The following NRCAM variants were observed in gnomAD, a reference collection of about 807,000 sequenced individuals.
NRCAM encodes the protein neuronal cell adhesion molecule.
A neutral mutation model predicts 156.5 loss-of-function variants in NRCAM; 83 were observed. That is an observed-to-expected ratio of 0.53 (90% confidence interval 0.44 to 0.64). The LOEUF is 0.64. NRCAM is among the 30% of genes least tolerant of loss of function. The probability of loss-of-function intolerance (pLI) is 0.00; values close to 1 mark genes in which losing one functional copy is unlikely to be tolerated. For synonymous variants in NRCAM, 538 were observed against 563.9 expected, an observed-to-expected ratio of 0.95 and a Z score of 0.65; for missense variants, 1,417 against 1,597.3, an observed-to-expected ratio of 0.89 and a Z score of 1.92.
intron 2 of NRCAM, among the ~76,000 whole-genome samples, chr7:108,363,463 T>A (rs1413549190): frequency 6.6e-6 from 1 of 152,174 alleles, no homozygotes; most frequent in Non-Finnish European, 1.5e-5. Context: ...TTTTTCGCCA[T>A]GTTGCCCAGG....
intron 2 of NRCAM, among the ~76,000 whole-genome samples, chr7:108,325,164 C>A (rs935349600): frequency 2.7e-5 from 4 of 150,780 alleles, no homozygotes; most frequent in African/African-American, 9.7e-5. Flanking sequence ...AAAAAAAATT[C>A]TTGGCAACTT....
chr7:108,408,997 C>T (rs978981545), intron 1 of NRCAM, among the ~76,000 whole-genome samples: 19 of 152,004 alleles, frequency 1.2e-4, no homozygotes, highest in South Asian at 4.2e-4. Flanking sequence ...AGCTGGGGAA[C>T]GAGGGGTGTG....
At chr7:108,435,906 G>A (rs1400898648) in intron 1 of NRCAM, among the ~76,000 whole-genome samples, 1 of 152,262 alleles carries the variant, frequency 6.6e-6, no homozygotes, top group East Asian at 1.9e-4. Flanking sequence ...GCCGAGGCGG[G>A]TGGATCACGA....
chr7:108,270,785 A>G (rs1425816276), intron 3 of NRCAM, among the ~76,000 whole-genome samples: 3 of 152,258 alleles, frequency 2.0e-5, no homozygotes, highest in Non-Finnish European at 2.9e-5. Context: ...AGGGACAAGT[A>G]TTGTATGATT....
At position 108,206,399 on chromosome 7, in the gene NRCAM, C is replaced by A. The variant is rs116897017; in HGVS notation, c.1207+1129G>T. On this transcript the variant is annotated intron_variant, in intron 13 of 32. Transcript: ENST00000379028. ...TTGGAGGCAGTCAAAGCCAATCTGTCCTGTATCATAAGCCTGAGGGCTATC... is the reference window on the plus strand; with the variant it reads ...TTGGAGGCAGTCAAAGCCAATCTGTACTGTATCATAAGCCTGAGGGCTATC... Among the ~76,000 whole-genome samples the A allele has an allele frequency of 3.6e-3, 552 of 152,288 alleles. 3 individuals are homozygous for A. The highest frequency in any genetic ancestry group is 6.4e-3 in the Non-Finnish European group (434 of 68,026).
intron 28 of NRCAM, among the ~76,000 whole-genome samples, chr7:108,174,417 A>G (rs190524985): frequency 8.5e-4 from 129 of 152,332 alleles, no homozygotes; most frequent in African/African-American, 2.9e-3. Context: ...CCTTTTCTTC[A>G]TTCCTGTTTA....
At chr7:108,346,041 G>A (rs2099351480) in intron 2 of NRCAM, among the ~76,000 whole-genome samples, 3 of 152,142 alleles carry the variant, frequency 2.0e-5, no homozygotes, top group South Asian at 4.1e-4. Flanking sequence ...ATGGCTGTGT[G>A]GGGGACAGAT....
intron 28 of NRCAM, among the ~76,000 whole-genome samples, chr7:108,172,446 C>T (rs922624350): frequency 2.0e-5 from 3 of 152,114 alleles, no homozygotes; most frequent in Non-Finnish European, 4.4e-5. Context: ...CAGGTGTGTA[C>T]TACCACGCCT....
intron 2 of NRCAM, among the ~76,000 whole-genome samples, chr7:108,341,917 T>C (rs1188444086): frequency 6.6e-6 from 1 of 152,208 alleles, no homozygotes; most frequent in Non-Finnish European, 1.5e-5. Context: ...CTAACCCTTA[T>C]ACTCTGCTTT....
intron 3 of NRCAM, among the ~76,000 whole-genome samples, chr7:108,277,761 A>G (rs897780850): frequency 3.3e-5 from 5 of 151,990 alleles, no homozygotes; most frequent in African/African-American, 9.7e-5. Flanking sequence ...CTCATTCTCT[A>G]TCCAGTTTTG....
intron 2 of NRCAM, among the ~76,000 whole-genome samples, chr7:108,380,066 C>T (rs2099694171): frequency 6.6e-6 from 1 of 152,042 alleles, no homozygotes; most frequent in African/African-American, 2.4e-5. Flanking sequence ...GATAAAACTA[C>T]AGACTTCTAA....
At chr7:108,310,030 G>A (rs2098779913) in intron 3 of NRCAM, among the ~76,000 whole-genome samples, 1 of 152,080 alleles carries the variant, frequency 6.6e-6, no homozygotes, top group Admixed American at 6.6e-5. Context: ...CTCCTAAGAT[G>A]TACATATAAC....
chr7:108,378,451 A>AG (rs1367598059), intron 2 of NRCAM, among the ~76,000 whole-genome samples: 1 of 152,164 alleles, frequency 6.6e-6, no homozygotes, highest in Non-Finnish European at 1.5e-5. Context: ...ACATTTAAAA[A>AG]GGTTGAGAAT....
intron 11 of NRCAM, among the ~76,000 whole-genome samples, chr7:108,218,713 G>A (rs1431486925): frequency 6.6e-6 from 1 of 152,154 alleles, no homozygotes; most frequent in African/African-American, 2.4e-5. Flanking sequence ...CAGAGGCGGT[G>A]CTAAGAGGAA....
intron 1 of NRCAM, among the ~76,000 whole-genome samples, chr7:108,414,329 T>C (rs1798907501): frequency 6.6e-6 from 1 of 152,182 alleles, no homozygotes; most frequent in Non-Finnish European, 1.5e-5. Flanking sequence ...CAAAGCACTG[T>C]TAGGTATTAT....
intron 28 of NRCAM, among the ~76,000 whole-genome samples, chr7:108,173,102 C>T (rs770288471): frequency 8.6e-5 from 13 of 151,474 alleles, no homozygotes; most frequent in Non-Finnish European, 1.6e-4. Flanking sequence ...TTTCCTGCCT[C>T]AGCCTCCTGA....
intron 2 of NRCAM, among the ~76,000 whole-genome samples, chr7:108,385,687 A>C (rs939514290): frequency 6.6e-6 from 1 of 152,224 alleles, no homozygotes; most frequent in African/African-American, 2.4e-5. Context: ...ATACCAGGGT[A>C]AGGACTGTAT....
intron 2 of NRCAM, among the ~76,000 whole-genome samples, chr7:108,332,284 G>A (rs181953369): frequency 6.6e-6 from 1 of 152,312 alleles, no homozygotes; most frequent in East Asian, 1.9e-4. Context: ...GCATCATGAT[G>A]CTGAGTTAAG....
intron 2 of NRCAM, among the ~76,000 whole-genome samples, chr7:108,336,649 A>G (rs1204545764): frequency 2.6e-5 from 4 of 152,156 alleles, no homozygotes; most frequent in African/African-American, 9.7e-5. Flanking sequence ...AACCCAACCT[A>G]ATTCTATAGA....
Sources: gnomAD v4.1 joint callset for allele counts (sites outside exome capture counted in the v4.1 genomes callset) on GRCh38, gnomAD v4.1.1 for gene constraint, MANE v1.5 for transcripts, NCBI Gene and HGNC (gene_info 2026-07-23, HGNC 2026-07-21) for gene names.